WDR33: variants seen among roughly 807,000 people sequenced by gnomAD.
The protein encoded by WDR33 is pre-mRNA 3' end processing protein WDR33.
Under a neutral mutation model 164.9 loss-of-function variants are expected in WDR33, and 47 were observed. The ratio of observed to expected loss-of-function variants is 0.29; its 90% CI spans 0.23 to 0.36. The LOEUF is 0.36. Ranked by LOEUF, WDR33 falls within the 10% of genes least tolerant of loss-of-function variation. The pLI, the probability that WDR33 is intolerant of heterozygous loss-of-function variation, is 1.00. For missense variants in WDR33, 1,137 were observed against 1,754.1 expected (o/e 0.65, Z 6.28); for synonymous variants, 505 against 589.0 (o/e 0.86, Z 2.06).
intron 7 of WDR33, among the ~76,000 whole-genome samples, chr2:127,744,772 C>T (rs543211440): frequency 1.3e-5 from 2 of 152,346 alleles, no homozygotes; most frequent in East Asian, 3.9e-4. Flanking sequence ...CACCACAGAT[C>T]TCAGGCTTCC....
At chr2:127,736,539 C>T in intron 7 of WDR33, 1 of 985,414 alleles carries the variant, frequency 1.0e-6, no homozygotes, top group Non-Finnish European at 1.2e-6. Flanking sequence ...CTGGCAGTCT[C>T]TAAGTCACAC....
In WDR33 at chr2:127,701,805, C is replaced by A; in HGVS notation, c.*4518G>T. The A allele has an allele frequency of 6.9e-7, 1 of 1,456,228 alleles. No homozygotes were observed. The allele number at this position is 1,456,228 out of a possible 1,614,324, so 90.2% of individuals were successfully genotyped here. ...GCTGCTGGCTGCACTGTGTTTCGGCCTAGCCGCGCTCTACGCACCGGTGTT... is the reference window on the plus strand; with the variant it reads ...GCTGCTGGCTGCACTGTGTTTCGGCATAGCCGCGCTCTACGCACCGGTGTT... On this transcript the variant is annotated 3_prime_UTR_variant, in exon 22 of 22. Transcript: ENST00000322313.
At position 127,796,120 on chromosome 2, in the gene WDR33, G is replaced by A. The variant is rs1441588145; in HGVS notation, c.-24+14892C>T. On this transcript the variant is annotated intron_variant, in intron 1 of 21. Transcript: ENST00000322313. ...ACAGTCTTGCTCTGTCACCCAGACT[G>A]GAGTGCAGTGGCACCATCATAGCTC... 2.0e-5 allele frequency among the ~76,000 whole-genome samples: 3 copies of A among 148,774 alleles called. No homozygotes were observed. The East Asian group carries it at 5.9e-4, about 29-fold the overall frequency.
intron 1 of WDR33, among the ~76,000 whole-genome samples, chr2:127,788,752 A>C (rs1379920369): frequency 1.6e-4 from 19 of 115,390 alleles, no homozygotes; most frequent in South Asian, 3.1e-4. Context: ...GGGGGGGCTG[A>C]CCCCCCACCT....
chr2:127,756,484 A>C (rs1687525751), intron 7 of WDR33, among the ~76,000 whole-genome samples: 1 of 152,062 alleles, frequency 6.6e-6, no homozygotes, highest in Non-Finnish European at 1.5e-5. Flanking sequence ...GAATCTACTC[A>C]CCGAAAATGA....
At chr2:127,771,136 C>T (rs904321123) in intron 1 of WDR33, 132 bp from the exon 2 acceptor site, 1 of 716,012 alleles carries the variant, frequency 1.4e-6, no homozygotes, top group Middle Eastern at 4.0e-4. Context: ...ACACAATGAA[C>T]TACAGTCATG....
chr2:127,736,095 TGA>T, intron 7 of WDR33: 2 of 985,452 alleles, frequency 2.0e-6, no homozygotes, highest in Non-Finnish European at 2.4e-6. Context: ...TTTCCCAGTC[TGA>T]GAGCCTTCAG....
chr2:127,727,553 C>T (rs1161632998), intron 7 of WDR33, among the ~76,000 whole-genome samples: 1 of 151,880 alleles, frequency 6.6e-6, no homozygotes, highest in African/African-American at 2.4e-5. Context: ...AGGAGAGAGT[C>T]CCTGAGCCTG....
intron 1 of WDR33, among the ~76,000 whole-genome samples, chr2:127,781,999 TAAAAAAAAAAA>T (rs764718254): frequency 2.2e-5 from 2 of 90,170 alleles, no homozygotes; most frequent in South Asian, 3.5e-4. Context: ...ACTCTTTTTC[TAAAAAAAAAAA>T]AAAAAAAAAA....
rs1197174350 is a variant in WDR33 at position 127,735,659 on chromosome 2, G to GT, written c.725-8883dup. The GT allele has an allele frequency of 9.1e-6, 9 of 985,670 alleles. No homozygotes were observed. The highest frequency in any genetic ancestry group is 1.1e-5 in the Non-Finnish European group (9 of 829,918). The allele number at this position is 985,670 out of a possible 1,614,324, so 61.1% of individuals were successfully genotyped here. Reference sequence around the variant, plus strand: ...ACTTCTAGCCACAAGAACATAAAATGTAACAGATCAGTTTAAGACAAAGGG... The same window carrying GT: ...ACTTCTAGCCACAAGAACATAAAATGTTAACAGATCAGTTTAAGACAAAGGG... On this transcript the variant is annotated intron_variant, in intron 7 of 21. Transcript: ENST00000322313. The surrounding 1 kb of genome is among the most constrained non-coding windows in gnomAD (Gnocchi z 4.3).
At position 127,723,190 on chromosome 2, in the gene WDR33, C is replaced by T. The variant is rs1448137029; in HGVS notation, c.1291+63G>A. ...AATTCATTTTGTATAATCTTCCCAACATCTAACACTTCTGTAATAGAATAC... is the reference window on the plus strand; with the variant it reads ...AATTCATTTTGTATAATCTTCCCAATATCTAACACTTCTGTAATAGAATAC... On this transcript the variant is annotated intron_variant, in intron 12 of 21. Transcript: ENST00000322313. The surrounding 1 kb of genome is among the most constrained non-coding windows in gnomAD (Gnocchi z 5.9). 3 of 1,505,516 alleles carry T rather than the reference C, an allele frequency of 2.0e-6. No individual in the cohort carries two copies. The highest frequency in any genetic ancestry group is 2.7e-6 in the Non-Finnish European group (3 of 1,099,112). 93.3% of individuals were successfully genotyped at this position (1,505,516 alleles called of 1,614,324 possible). A position where few individuals can be genotyped will look rare whatever the true frequency, so the allele number is the denominator to read the frequency against.
Position 127,719,577 on chromosome 2 carries a change from T to C in WDR33, c.2448A>G (p.Pro816=), listed in dbSNP as rs541391708. 1.4e-4 allele frequency: 229 copies of C among 1,613,912 alleles called. 3 individuals are homozygous for C. In the East Asian group the frequency reaches 5.0e-3, roughly 35 times the overall value. ...GAGGGCCGTGTCCCAGTAGTCCACCTGGAGGGTGAGGTCCTCTCATCTCTT... is the reference window on the plus strand; with the variant it reads ...GAGGGCCGTGTCCCAGTAGTCCACCCGGAGGGTGAGGTCCTCTCATCTCTT... The part of the protein sequence containing the change: ...PPQEMRGPHP[P]GGLLGHGPQE... Residue 816 remains proline, a synonymous_variant, in exon 16 of 22, where the codon CCA becomes CCG. Transcript: ENST00000322313. This position sits in a 1 kb window ranked among gnomAD's most constrained non-coding sequence, Gnocchi z 6.5.
chr2:127,788,408 T>A, intron 1 of WDR33, among the ~76,000 whole-genome samples: 1 of 115,014 alleles, frequency 8.7e-6, no homozygotes, highest in Non-Finnish European at 1.8e-5. Flanking sequence ...ACGGGGCGGC[T>A]GGCCGGGCGG....
intron 7 of WDR33, chr2:127,737,825 A>C: frequency 7.4e-7 from 1 of 1,357,290 alleles, no homozygotes; most frequent in Non-Finnish European, 9.5e-7. Flanking sequence ...ACTTCTTTTT[A>C]ATTGAGAATT....
chr2:127,737,085 C>A (rs1686866387), intron 7 of WDR33: 1 of 985,266 alleles, frequency 1.0e-6, no homozygotes, highest in African/African-American at 1.7e-5. Context: ...ATGTTTTGTG[C>A]TAACCAGCAA....
At chr2:127,754,875 T>C (rs1165668731) in intron 7 of WDR33, among the ~76,000 whole-genome samples, 3 of 152,196 alleles carry the variant, frequency 2.0e-5, no homozygotes, top group Non-Finnish European at 4.4e-5. Context: ...AAAATAACTA[T>C]AATCGCAAGT....
chr2:127,806,235 T>G (rs1412384844), intron 1 of WDR33, among the ~76,000 whole-genome samples: 2 of 147,096 alleles, frequency 1.4e-5, no homozygotes, highest in African/African-American at 2.5e-5. Flanking sequence ...TTTGAGACAG[T>G]CTCGCTCTGT....
At chr2:127,772,467 T>C (rs1275272509) in intron 1 of WDR33, among the ~76,000 whole-genome samples, 2 of 152,132 alleles carry the variant, frequency 1.3e-5, no homozygotes, top group African/African-American at 2.4e-5. Flanking sequence ...GATGTTTGAT[T>C]ATAAAACTAA....
intron 1 of WDR33, among the ~76,000 whole-genome samples, chr2:127,805,825 C>T (rs1034433296): frequency 6.6e-6 from 1 of 152,094 alleles, no homozygotes; most frequent in African/African-American, 2.4e-5. Context: ...CAATGGTGAC[C>T]CTTGATTTCA....
Sources: allele counts gnomAD v4.1 joint callset (sites outside exome capture counted in the v4.1 genomes callset), GRCh38; gene constraint gnomAD v4.1.1; non-coding constraint Gnocchi (gnomAD v3.1); transcripts MANE v1.5; gene names NCBI Gene and HGNC (gene_info 2026-07-23, HGNC 2026-07-21).